DCAF17: variants seen among roughly 807,000 people sequenced by gnomAD.
The protein encoded by DCAF17 is DDB1- and CUL4-associated factor 17.
In DCAF17, 48 loss-of-function variants were observed where a neutral mutation model predicts 66.0. That is an observed-to-expected ratio of 0.73 (90% CI 0.58 to 0.92). The LOEUF (loss-of-function observed/expected upper bound fraction) is 0.92, where lower values mean the gene tolerates loss of function less well. Ranked by LOEUF, DCAF17 falls within the 40% of genes least tolerant of loss-of-function variation. The pLI, the probability that DCAF17 is intolerant of heterozygous loss-of-function variation, is 0.00. For synonymous variants in DCAF17, 206 were observed against 214.6 expected (o/e 0.96, Z 0.35); for missense variants, 562 against 622.8 (o/e 0.90, Z 1.04).
At chr2:171,449,123 C>T (rs891845926) in intron 4 of DCAF17, among the ~76,000 whole-genome samples, 2 of 152,146 alleles carry the variant, frequency 1.3e-5, no homozygotes, top group Non-Finnish European at 2.9e-5. Flanking sequence ...ATTCTCCTGA[C>T]TCAGCCTTCC....
rs1559297682 is a variant in DCAF17 at position 171,482,699 on chromosome 2, CCTT to C, written c.*1588_*1590del. ...TTTTTTAGGTGATTATTGAGTTTCT[CCTT>C]CTCCTTTAAGTCATCACCTTCCTTT... On this transcript the variant is annotated 3_prime_UTR_variant, in exon 14 of 14. Coordinates refer to ENST00000375255, the MANE Select transcript of DCAF17 (RefSeq NM_025000.4). The C allele has an allele frequency of 2.2e-6, 1 of 453,380 alleles. No homozygotes were observed. Among genetic ancestry groups the C allele is most frequent in the Non-Finnish European group, 4.4e-6 (1 of 226,662 alleles). 28.1% of individuals were successfully genotyped at this position (453,380 alleles called of 1,614,324 possible). A position where few individuals can be genotyped will look rare whatever the true frequency, so the allele number is the denominator to read the frequency against.
chr2:171,467,479 A>G (rs1244092892), intron 8 of DCAF17, among the ~76,000 whole-genome samples: 2 of 152,068 alleles, frequency 1.3e-5, no homozygotes, highest in African/African-American at 2.4e-5. Flanking sequence ...GCTTGTGGCC[A>G]GGAGTTTGAG....
At position 171,478,004 on chromosome 2, in the gene DCAF17, T is replaced by A; in HGVS notation, c.1200T>A (p.Thr400=). 6.2e-7 allele frequency: 1 copy of A among 1,613,746 alleles called. No homozygotes were observed. Among genetic ancestry groups the A allele is most frequent in the South Asian group, 1.1e-5 (1 of 91,086 alleles). Residue 400 remains threonine (T), a synonymous_variant, in exon 12 of 14, where the codon ACT becomes ACA. Coordinates refer to ENST00000375255, the MANE Select transcript of DCAF17 (RefSeq NM_025000.4). ...RENHKNENVL[T]VTASGRVVKK... is the part of the protein sequence containing the mutation. ...TATGATAGAATGAAAATGTACTCAC[T>A]GTTACAGCTTCTGGACGGGTGGTAA...
intron 8 of DCAF17, among the ~76,000 whole-genome samples, chr2:171,466,011 T>C (rs1695875611): frequency 6.6e-6 from 1 of 152,026 alleles, no homozygotes; most frequent in Non-Finnish European, 1.5e-5. Context: ...TTACTTAACA[T>C]GTATCTAAAT....
rs1296024509 is a variant in DCAF17 at position 171,434,616 on chromosome 2, G to A, written c.39G>A (p.Leu13=). Residue 13 remains leucine (L), a synonymous_variant, in exon 1 of 14, where the codon CTG becomes CTA. Transcript: ENST00000375255. ...GGAAGCCCAACGTGTGCAGCCGGCT[G>A]AGTCGCCGGGCGCTGGGCTGCTTCT... ...PTRKPNVCSR[L]SRRALGCFSR... 1.3e-6 allele frequency: 2 copies of A among 1,530,766 alleles called. No individual in the cohort carries two copies. Among genetic ancestry groups the A allele is most frequent in the East Asian group, 2.5e-5 (1 of 40,184 alleles). The allele number at this position is 1,530,766 out of a possible 1,614,324, so 94.8% of individuals were successfully genotyped here.
rs745776305 is a variant in DCAF17 at position 171,458,342 on chromosome 2, G to A, written c.733-30G>A. ...AGATATCAAATAAATAGGTGCTAAA[G>A]CCACCATTTTTGTTTTGTTTTGTTT... On this transcript the variant is annotated intron_variant, in intron 7 of 13. Coordinates refer to ENST00000375255, the MANE Select transcript of DCAF17 (RefSeq NM_025000.4). The A allele has an allele frequency of 1.9e-6, 3 of 1,574,930 alleles. No individual in the cohort carries two copies. The African/African-American group carries it at 4.0e-5, about 21-fold the overall frequency.
At chr2:171,479,087 A>T (rs941119137) in intron 12 of DCAF17, among the ~76,000 whole-genome samples, 6 of 152,240 alleles carry the variant, frequency 3.9e-5, no homozygotes, top group Non-Finnish European at 8.8e-5. Context: ...AAGTTTGACC[A>T]TAGTAAGGTG....
chr2:171,479,818 TC>T (rs1244454875), intron 12 of DCAF17: 1 of 504,752 alleles, frequency 2.0e-6, no homozygotes, highest in East Asian at 3.8e-5. Flanking sequence ...GTTTTGTTTA[TC>T]AAATCTGTAG....
At chr2:171,459,497 G>C (rs1275620486) in intron 8 of DCAF17, among the ~76,000 whole-genome samples, 2 of 152,112 alleles carry the variant, frequency 1.3e-5, no homozygotes, top group Non-Finnish European at 2.9e-5. Context: ...CCTAATATCT[G>C]TTTATCTTAA....
At chr2:171,436,507 CT>C (rs1693966900) in intron 2 of DCAF17, among the ~76,000 whole-genome samples, 3 of 152,200 alleles carry the variant, frequency 2.0e-5, no homozygotes, top group Admixed American at 2.0e-4. Flanking sequence ...CTCACAGCAT[CT>C]CACTGTGGTT....
chr2:171,468,477 C>G (rs1696051333), intron 8 of DCAF17, among the ~76,000 whole-genome samples: 1 of 152,126 alleles, frequency 6.6e-6, no homozygotes, highest in African/African-American at 2.4e-5. Context: ...ATTATTAGAC[C>G]TAATTACCTT....
Position 171,483,510 on chromosome 2 carries a change from A to G in DCAF17, c.*2396A>G, listed in dbSNP as rs1191395141. ...TGTTCCTCAATTTTTTACAATATTT[A>G]TCACAACTCTGGGAGAAAACAAAAC... On this transcript the variant is annotated 3_prime_UTR_variant, in exon 14 of 14. Transcript: ENST00000375255. 2 of 454,114 alleles carry G rather than the reference A, an allele frequency of 4.4e-6. No individual in the cohort carries two copies. The highest frequency in any genetic ancestry group is 8.8e-6 in the Non-Finnish European group (2 of 226,794). 28.1% of individuals were successfully genotyped at this position (454,114 alleles called of 1,614,324 possible). A position where few individuals can be genotyped will look rare whatever the true frequency, so the allele number is the denominator to read the frequency against.
At chr2:171,436,962 C>G (rs1314556529) in intron 2 of DCAF17, among the ~76,000 whole-genome samples, 1 of 151,806 alleles carries the variant, frequency 6.6e-6, no homozygotes, top group Non-Finnish European at 1.5e-5. Flanking sequence ...TTGGTAGAGA[C>G]CGGGTTTCTC....
At chr2:171,434,934 C>T in intron 1 of DCAF17, 149 bp from the exon 2 acceptor site, 2 of 1,009,438 alleles carry the variant, frequency 2.0e-6, no homozygotes, top group African/African-American at 1.6e-5. Context: ...AGTTGGTCAC[C>T]TCATTAAGCC....
chr2:171,454,269 G>GTCA (rs1426406475), intron 6 of DCAF17, among the ~76,000 whole-genome samples: 1 of 151,646 alleles, frequency 6.6e-6, no homozygotes, highest in Non-Finnish European at 1.5e-5. Context: ...TATTATAGCA[G>GTCA]TCATTATTAT....
intron 2 of DCAF17, 147 bp downstream of exon 2, chr2:171,435,333 T>C (rs1693806076): frequency 1.5e-6 from 1 of 686,774 alleles, no homozygotes; most frequent in Non-Finnish European, 2.6e-6. Flanking sequence ...AAAAAATGCA[T>C]GTAATTTTAA....
chr2:171,441,901 G>A (rs1002458980), intron 2 of DCAF17, among the ~76,000 whole-genome samples: 3 of 152,140 alleles, frequency 2.0e-5, no homozygotes, highest in African/African-American at 7.2e-5. Context: ...ATGCCCTCAT[G>A]CTGGAAGTGG....
At chr2:171,459,288 G>A (rs1454790660) in intron 8 of DCAF17, among the ~76,000 whole-genome samples, 1 of 151,880 alleles carries the variant, frequency 6.6e-6, no homozygotes, top group East Asian at 1.9e-4. Context: ...CTCCAGCCTG[G>A]GCAACAAGAG....
chr2:171,434,942 G>A, intron 1 of DCAF17, 141 bp from the exon 2 acceptor site: 1 of 1,001,526 alleles, frequency 1.0e-6, no homozygotes. Flanking sequence ...ACCTCATTAA[G>A]CCAAAACATG....
Sources: gnomAD v4.1 joint callset for allele counts (sites outside exome capture counted in the v4.1 genomes callset) on GRCh38, gnomAD v4.1.1 for gene constraint, MANE v1.5 for transcripts, NCBI Gene and HGNC (gene_info 2026-07-23, HGNC 2026-07-21) for gene names.